Variants in GABRB3 observed in about 807,000 individuals in gnomAD.
GABRB3 encodes gamma-aminobutyric acid type A receptor subunit beta3.
GABRB3 carries 14 observed loss-of-function variants against 52.1 expected under a neutral mutation model. That is an observed-to-expected ratio of 0.27 (90% CI 0.18 to 0.42). GABRB3 has a LOEUF of 0.42. Ranked by LOEUF, GABRB3 falls within the 10% of genes least tolerant of loss-of-function variation. The pLI, the probability that GABRB3 is intolerant of heterozygous loss-of-function variation, is 1.00. For synonymous variants in GABRB3, 260 were observed against 232.3 expected (o/e 1.12, Z -1.08); for missense variants, 307 against 609.1 (o/e 0.50, Z 5.22).
chr15:26,572,721 G>C (rs1183460506), intron 6 of GABRB3, among the ~76,000 whole-genome samples: 1 of 152,180 alleles, frequency 6.6e-6, no homozygotes, highest in Non-Finnish European at 1.5e-5. Flanking sequence ...CTTTTAAAAT[G>C]AAACAGAAGC....
At chr15:26,686,137 G>C (rs1035199228) in intron 3 of GABRB3, among the ~76,000 whole-genome samples, 1 of 151,904 alleles carries the variant, frequency 6.6e-6, no homozygotes, top group African/African-American at 2.4e-5. Flanking sequence ...GAAACATGGG[G>C]TCTTGCTATG....
intron 4 of GABRB3, chr15:26,616,052 C>A: frequency 7.8e-7 from 1 of 1,289,178 alleles, no homozygotes; most frequent in Non-Finnish European, 1.0e-6. Flanking sequence ...CAGGCCAGGG[C>A]CATAGTACCT....
At chr15:26,650,582 T>G (rs956091168) in intron 3 of GABRB3, among the ~76,000 whole-genome samples, 1 of 151,884 alleles carries the variant, frequency 6.6e-6, no homozygotes, top group Non-Finnish European at 1.5e-5. Context: ...TGAAGACAAT[T>G]TAAAGCCTGG....
At chr15:26,737,095 C>A (rs1225794473) in intron 3 of GABRB3, among the ~76,000 whole-genome samples, 2 of 152,236 alleles carry the variant, frequency 1.3e-5, no homozygotes, top group African/African-American at 4.8e-5. Context: ...CTCTCTAGGT[C>A]TGTTCCAGAG....
At chr15:26,666,908 C>T (rs1376163895) in intron 3 of GABRB3, among the ~76,000 whole-genome samples, 2 of 152,114 alleles carry the variant, frequency 1.3e-5, no homozygotes, top group Non-Finnish European at 2.9e-5. Context: ...ACTACAGCCA[C>T]CTCTAGATCT....
chr15:26,629,590 C>T (rs1410345240), intron 3 of GABRB3, among the ~76,000 whole-genome samples: 45 of 152,098 alleles, frequency 3.0e-4, no homozygotes, highest in Non-Finnish European at 2.9e-5. Context: ...GCCCCGTGTC[C>T]AGGGGATGCA....
intron 3 of GABRB3, among the ~76,000 whole-genome samples, chr15:26,652,066 G>A (rs1490871359): frequency 6.6e-6 from 1 of 152,130 alleles, no homozygotes; most frequent in Non-Finnish European, 1.5e-5. Flanking sequence ...TGCCACCTAT[G>A]AGCCTTCCTC....
chr15:26,746,831 C>T (rs1890355854), intron 3 of GABRB3, among the ~76,000 whole-genome samples: 2 of 151,964 alleles, frequency 1.3e-5, no homozygotes, highest in African/African-American at 2.4e-5. Flanking sequence ...ACTAAAAATA[C>T]AAAAAATTAG....
At chr15:26,741,377 A>G (rs1306684670) in intron 3 of GABRB3, among the ~76,000 whole-genome samples, 2 of 152,214 alleles carry the variant, frequency 1.3e-5, no homozygotes, top group Admixed American at 6.5e-5. Flanking sequence ...CAGTCATCAC[A>G]GTCTGCTGTC....
rs1891196903 is a variant in GABRB3, at chr15:26,772,959, A to G, written c.4T>C (p.Trp2Arg). 6.9e-7 allele frequency: 1 copy of G among 1,439,954 alleles called. No homozygotes were observed. Among genetic ancestry groups the G allele is most frequent in the Non-Finnish European group, 9.2e-7 (1 of 1,090,598 alleles). The allele number at this position is 1,439,954 out of a possible 1,614,324, so 89.2% of individuals were successfully genotyped here. A position where few individuals can be genotyped will look rare whatever the true frequency, so the allele number is the denominator to read the frequency against. The stretch of plus-strand genomic sequence containing the variant: ...AAAAGCCTTCCTCCCGCAAGGCCCC[A>G]CATCCCTCCGCCGCGCCCCGGCACG... M[W>R]GLAGGRLFGI... Residue 2 changes from tryptophan (W) to arginine (R), a missense_variant, in exon 1 of 9, where the codon TGG becomes CGG. Around this residue, in one of 6 missense-constraint regions of GABRB3, gnomAD observed 90 missense variants for 86.4 expected, o/e 1.04. Transcript: ENST00000311550.
At chr15:26,680,231 T>C (rs1487678984) in intron 3 of GABRB3, among the ~76,000 whole-genome samples, 1 of 152,246 alleles carries the variant, frequency 6.6e-6, no homozygotes, top group Non-Finnish European at 1.5e-5. Flanking sequence ...CCTGTCAGCC[T>C]GCACAGCAGA....
intron 3 of GABRB3, among the ~76,000 whole-genome samples, chr15:26,646,478 T>C (rs112531462): frequency 7.9e-5 from 12 of 152,278 alleles, no homozygotes; most frequent in African/African-American, 2.6e-4. Context: ...AGCATGTGGG[T>C]TATTTCCACT....
intron 3 of GABRB3, among the ~76,000 whole-genome samples, chr15:26,670,059 G>A (rs1444301337): frequency 6.6e-6 from 1 of 152,194 alleles, no homozygotes; most frequent in Non-Finnish European, 1.5e-5. Context: ...CGGGCACAGA[G>A]CCACGTGAAG....
intron 4 of GABRB3, among the ~76,000 whole-genome samples, chr15:26,601,228 C>T (rs1419721360): frequency 6.6e-6 from 1 of 152,076 alleles, no homozygotes; most frequent in Admixed American, 6.5e-5. Context: ...TTGAAACCAG[C>T]CCGGCCAACA....
At chr15:26,717,973 GT>G (rs1469322467) in intron 3 of GABRB3, among the ~76,000 whole-genome samples, 1 of 152,150 alleles carries the variant, frequency 6.6e-6, no homozygotes, top group Non-Finnish European at 1.5e-5. Flanking sequence ...TCCACAATCA[GT>G]TTATCTCTCA....
At chr15:26,703,132 T>C (rs1021797684) in intron 3 of GABRB3, among the ~76,000 whole-genome samples, 1 of 152,180 alleles carries the variant, frequency 6.6e-6, no homozygotes, top group Non-Finnish European at 1.5e-5. Flanking sequence ...CTAATAAGCA[T>C]CATTTTACTC....
Position 26,543,744 on chromosome 15 carries a change from C to T in GABRB3, c.*4049G>A, listed in dbSNP as rs1432683159. 5 of 152,692 alleles carry T rather than the reference C, an allele frequency of 3.3e-5. No individual in the cohort carries two copies. Among genetic ancestry groups the T allele is most frequent in the Middle Eastern group, 3.4e-3 (1 of 294 alleles). The allele number at this position is 152,692 out of a possible 1,614,324, so 9.5% of individuals were successfully genotyped here. On this transcript the variant is annotated 3_prime_UTR_variant, in exon 9 of 9. Coordinates refer to ENST00000311550, the MANE Select transcript of GABRB3 (RefSeq NM_000814.6). ...CATGAGAATTGATTATGACAGCAAT[C>T]GCCTATTCCTACTAGAATAATCCTG...
chr15:26,755,632 T>C (rs998850684), intron 3 of GABRB3, among the ~76,000 whole-genome samples: 1 of 152,212 alleles, frequency 6.6e-6, no homozygotes, highest in African/African-American at 2.4e-5. Context: ...TGTCTTCCCA[T>C]TTACTAATAG....
intron 8 of GABRB3, among the ~76,000 whole-genome samples, chr15:26,558,164 G>C (rs1210790856): frequency 6.6e-6 from 1 of 152,128 alleles, no homozygotes; most frequent in Non-Finnish European, 1.5e-5. Flanking sequence ...GTAGGATGTG[G>C]ACCTATTTAG....
Sources: gnomAD v4.1 joint callset for allele counts (sites outside exome capture counted in the v4.1 genomes callset) on GRCh38, gnomAD v4.1.1 for gene constraint, gnomAD v4.1.1 regional missense constraint, MANE v1.5 for transcripts, NCBI Gene and HGNC (gene_info 2026-07-23, HGNC 2026-07-21) for gene names.